RYR2: variants seen among roughly 807,000 people sequenced by gnomAD.
RYR2 encodes ryanodine receptor 2, also known as cardiac muscle ryanodine receptor-calcium release channel.
A neutral mutation model predicts 601.1 loss-of-function variants in RYR2; 227 were observed. The ratio of observed to expected loss-of-function variants is 0.38; its 90% CI spans 0.34 to 0.42. The LOEUF is 0.42. Ranked by LOEUF, RYR2 falls within the 10% of genes least tolerant of loss-of-function variation. The pLI is 1.00. For synonymous variants in RYR2, 2,223 were observed against 2,175.1 expected (o/e 1.02, Z -0.61); for missense variants, 4,646 against 6,156.5 (o/e 0.75, Z 8.21).
At chr1:237,471,680 C>T (rs896830270) in intron 17 of RYR2, among the ~76,000 whole-genome samples, 2 of 152,178 alleles carry the variant, frequency 1.3e-5, no homozygotes, top group East Asian at 3.9e-4. Context: ...TAAGGTCAAC[C>T]AAGTACAGTC....
intron 102 of RYR2, among the ~76,000 whole-genome samples, chr1:237,829,623 C>A (rs1663550349): frequency 6.6e-6 from 1 of 152,130 alleles, no homozygotes; most frequent in African/African-American, 2.4e-5. Context: ...ATTGTTCTCC[C>A]CAGTTGCTCA....
chr1:237,637,607 A>G (rs1204919064), intron 44 of RYR2, among the ~76,000 whole-genome samples: 1 of 152,080 alleles, frequency 6.6e-6, no homozygotes. Flanking sequence ...TTCTCTACGT[A>G]TTTTCTCACA....
At chr1:237,812,656 G>C (rs1305324664) in intron 100 of RYR2, among the ~76,000 whole-genome samples, 1 of 152,124 alleles carries the variant, frequency 6.6e-6, no homozygotes, top group African/African-American at 2.4e-5. Flanking sequence ...CTTAATACTT[G>C]AGATCCATTT....
chr1:237,642,976 T>C (rs1016810187), intron 47 of RYR2, among the ~76,000 whole-genome samples: 3 of 152,200 alleles, frequency 2.0e-5, no homozygotes, highest in African/African-American at 7.2e-5. Flanking sequence ...GCTCATGTTA[T>C]TGATAGGTAT....
chr1:237,790,098 TTA>T (rs952303542), intron 92 of RYR2, among the ~76,000 whole-genome samples: 2 of 152,218 alleles, frequency 1.3e-5, no homozygotes, highest in African/African-American at 4.8e-5. Context: ...TCCACTTAAA[TTA>T]TATTGACATC....
At chr1:237,665,084 G>T (rs1365600729) in intron 56 of RYR2, among the ~76,000 whole-genome samples, 1 of 152,160 alleles carries the variant, frequency 6.6e-6, no homozygotes, top group African/African-American at 2.4e-5. Flanking sequence ...CTTTGAGGCT[G>T]GTGGCCTATT....
chr1:237,589,689 A>G lies in RYR2; in HGVS notation c.3599-104A>G. The G allele has an allele frequency of 2.9e-6, 3 of 1,020,936 alleles. No individual in the cohort carries two copies. In the South Asian group the frequency reaches 4.6e-5, roughly 16 times the overall value. The allele number at this position is 1,020,936 out of a possible 1,614,324, so 63.2% of individuals were successfully genotyped here. A position where few individuals can be genotyped will look rare whatever the true frequency, so the allele number is the denominator to read the frequency against. ...ACACTACTTTTTTCACCCTAGGGTG[A>G]CAGCTCTCACAAAGTTCGGTCCTGG... On this transcript the variant is annotated intron_variant, in intron 29 of 104. Transcript: ENST00000366574.
intron 1 of RYR2, among the ~76,000 whole-genome samples, chr1:237,093,393 A>G (rs1282721268): frequency 6.6e-6 from 1 of 152,174 alleles, no homozygotes; most frequent in Non-Finnish European, 1.5e-5. Flanking sequence ...CAGATGATTT[A>G]TTCATGACAT....
rs1299824884 is a variant in RYR2 at position 237,404,264 on chromosome 1, CA to C, written c.774-12779del. On this transcript the variant is annotated intron_variant, in intron 10 of 104. Transcript: ENST00000366574. The stretch of plus-strand genomic sequence containing the variant: ...GACAGAGGGAGACCCTGTCTCAAAA[CA>C]AAAAATTATAGAGAACAACTCATTA... Among the ~76,000 whole-genome samples, 4 of 152,100 alleles carry C rather than the reference CA, an allele frequency of 2.6e-5. No individual in the cohort carries two copies. The South Asian group carries it at 8.3e-4, about 32-fold the overall frequency.
At chr1:237,185,097 C>T (rs1267723098) in intron 1 of RYR2, among the ~76,000 whole-genome samples, 1 of 152,054 alleles carries the variant, frequency 6.6e-6, no homozygotes, top group Non-Finnish European at 1.5e-5. Flanking sequence ...AACTCCTGGA[C>T]TCAAGCAGTT....
intron 92 of RYR2, among the ~76,000 whole-genome samples, chr1:237,791,095 C>T (rs149650944): frequency 3.0e-4 from 46 of 152,346 alleles, no homozygotes; most frequent in South Asian, 2.7e-3. Flanking sequence ...CTGTTCAAAG[C>T]TTACCTCCTG....
chr1:237,469,396 C>T (rs762411540), intron 17 of RYR2, among the ~76,000 whole-genome samples: 39 of 151,654 alleles, frequency 2.6e-4, no homozygotes, highest in Non-Finnish European at 4.7e-4. Flanking sequence ...TCACTGCACT[C>T]CAACATGGAC....
intron 1 of RYR2, among the ~76,000 whole-genome samples, chr1:237,149,342 CAAAA>C (rs1204209790): frequency 6.6e-6 from 1 of 150,544 alleles, no homozygotes; most frequent in Non-Finnish European, 1.5e-5. Context: ...CAAAAACAAA[CAAAA>C]AACCCCCGAA....
Position 237,801,843 on chromosome 1 carries a change from T to TA in RYR2, c.14091-13_14091-12insA. ...TGTGCATAACTACGCATTTTTTTTT[T>TA]TTGTCATTGCAGACTGAACTCCATT... On this transcript the variant is annotated splice_polypyrimidine_tract_variant and intron_variant, in intron 97 of 104. Coordinates refer to ENST00000366574, the MANE Select transcript of RYR2 (RefSeq NM_001035.3). 1 of 1,574,328 alleles carries TA rather than the reference T, an allele frequency of 6.4e-7. No individual in the cohort carries two copies. The highest frequency in any genetic ancestry group is 8.7e-7 in the Non-Finnish European group (1 of 1,154,622).
At chr1:237,302,542 A>C (rs918420701) in intron 2 of RYR2, among the ~76,000 whole-genome samples, 1 of 152,206 alleles carries the variant, frequency 6.6e-6, no homozygotes, top group Non-Finnish European at 1.5e-5. Flanking sequence ...GGTGTCCCTG[A>C]ATTATACAGG....
intron 38 of RYR2, among the ~76,000 whole-genome samples, chr1:237,619,832 C>T (rs1283803019): frequency 1.3e-5 from 2 of 152,128 alleles, no homozygotes; most frequent in East Asian, 1.9e-4. Flanking sequence ...AAGAGACGAT[C>T]ACCTCAGAGT....
intron 8 of RYR2, among the ~76,000 whole-genome samples, chr1:237,377,867 A>T (rs994633966): frequency 3.9e-5 from 6 of 152,240 alleles, no homozygotes; most frequent in Admixed American, 3.3e-4. Flanking sequence ...TTAAGAAGGG[A>T]GAAATAGACA....
chr1:237,720,979 A>G (rs1473948807), intron 73 of RYR2, among the ~76,000 whole-genome samples: 1 of 152,222 alleles, frequency 6.6e-6, no homozygotes, highest in Non-Finnish European at 1.5e-5. Context: ...AGACCTGAAA[A>G]TAAAGAGGTA....
chr1:237,589,376 G>A (rs1674894967), intron 29 of RYR2, among the ~76,000 whole-genome samples: 1 of 152,172 alleles, frequency 6.6e-6, no homozygotes, highest in Non-Finnish European at 1.5e-5. Flanking sequence ...TCTTTAGCCA[G>A]AAGGAGGAGC....
Sources: gnomAD v4.1 joint callset for allele counts (sites outside exome capture counted in the v4.1 genomes callset) on GRCh38, gnomAD v4.1.1 for gene constraint, MANE v1.5 for transcripts, NCBI Gene and HGNC (gene_info 2026-07-23, HGNC 2026-07-21) for gene names.